Variants in TTLL12 observed in about 807,000 individuals in gnomAD.
TTLL12 encodes the protein tubulin tyrosine ligase like 12.
A neutral mutation model predicts 79.6 loss-of-function variants in TTLL12; 77 were observed. The observed-to-expected ratio is 0.97, with a 90% CI of 0.81 to 1.17. The LOEUF (loss-of-function observed/expected upper bound fraction) is 1.17, where lower values mean the gene tolerates loss of function less well. TTLL12 is among the 50% of genes most tolerant of loss of function. TTLL12 has a pLI of 0.00. For synonymous variants in TTLL12, 437 were observed against 376.1 expected (o/e 1.16, Z -1.87); for missense variants, 969 against 895.9 (o/e 1.08, Z -1.04).
At chr22:43,172,271 G>T in intron 10 of TTLL12, 132 bp downstream of exon 10, 2 of 1,143,790 alleles carry the variant, frequency 1.7e-6, no homozygotes, top group Non-Finnish European at 2.5e-6. Context: ...TCCAAGGGCC[G>T]CTAGCTGGGT....
intron 11 of TTLL12, 59 bp from the exon 12 acceptor site, chr22:43,169,627 G>A (rs1370266229): frequency 6.4e-7 from 1 of 1,572,234 alleles, no homozygotes; most frequent in Non-Finnish European, 8.7e-7. Context: ...CCGGGAGCAG[G>A]CAGCCTGCTA....
At position 43,174,188 on chromosome 22, in the gene TTLL12, G is replaced by A. The variant is rs113897450; in HGVS notation, c.1229+21C>T. The stretch of plus-strand genomic sequence containing the variant: ...GGGGAAAAGGGCCATGGAGCACACC[G>A]ATGCCGTGTCTGGGACTTACCACCT... On this transcript the variant is annotated intron_variant, in intron 8 of 13. Coordinates refer to ENST00000216129, the MANE Select transcript of TTLL12 (RefSeq NM_015140.4). 64 of 1,597,288 alleles carry A rather than the reference G, an allele frequency of 4.0e-5. 1 individual carries two copies. Among genetic ancestry groups the A allele is most frequent in the African/African-American group, 2.8e-4 (21 of 75,020 alleles).
Position 43,168,913 on chromosome 22 carries a change from C to T in TTLL12, c.1645-1G>A, listed in dbSNP as rs1325251835. ...CCGTGAAGGCCCGGAAGATCTCAGC[C>T]TGGGGACCGGGGAGCCTGAGTTACG... On this transcript the variant is annotated splice_acceptor_variant, in intron 12 of 13. Coordinates refer to ENST00000216129, the MANE Select transcript of TTLL12 (RefSeq NM_015140.4). LOFTEE classifies it high-confidence loss of function. The T allele has an allele frequency of 1.9e-6, 3 of 1,609,038 alleles. No homozygotes were observed. Among genetic ancestry groups the T allele is most frequent in the South Asian group, 2.2e-5 (2 of 90,532 alleles).
At chr22:43,178,305 T>C (rs1601772988) in intron 5 of TTLL12, among the ~76,000 whole-genome samples, 1 of 111,854 alleles carries the variant, frequency 8.9e-6, no homozygotes. Flanking sequence ...ACGCCACCAC[T>C]CCACACACGC....
At chr22:43,169,611 G>A (rs565092787) in intron 11 of TTLL12, 43 bp from the exon 12 acceptor site, 65 of 1,598,034 alleles carry the variant, frequency 4.1e-5, no homozygotes, top group Non-Finnish European at 5.4e-5. Context: ...ACAGGCCTCC[G>A]CTGGGCCGGG....
chr22:43,175,823 C>A (rs1931891909), intron 6 of TTLL12: 1 of 151,486 alleles, frequency 6.6e-6, no homozygotes, highest in African/African-American at 2.4e-5. Context: ...CAGGCGCCAG[C>A]CACCATGCCC....
At chr22:43,173,638 G>T in intron 9 of TTLL12, 77 bp downstream of exon 9, 1 of 1,392,294 alleles carries the variant, frequency 7.2e-7, no homozygotes, top group Non-Finnish European at 9.9e-7. Context: ...GGACCATGAT[G>T]CTCGGTCCCC....
intron 1 of TTLL12, among the ~76,000 whole-genome samples, chr22:43,184,173 C>T (rs1353828532): frequency 6.6e-6 from 1 of 152,226 alleles, no homozygotes; most frequent in Non-Finnish European, 1.5e-5. Flanking sequence ...AGTCCTGGCG[C>T]ACAGTGGAGG....
Position 43,182,977 on chromosome 22 carries a change from T to C in TTLL12, c.347+3A>G, listed in dbSNP as rs758080743. 1.2e-6 allele frequency: 2 copies of C among 1,612,738 alleles called. No individual in the cohort carries two copies. The highest frequency in any genetic ancestry group is 8.5e-7 in the Non-Finnish European group (1 of 1,179,060). On this transcript the variant is annotated splice_donor_region_variant and intron_variant, in intron 2 of 13. Coordinates refer to ENST00000216129, the MANE Select transcript of TTLL12 (RefSeq NM_015140.4). Reference sequence around the variant, plus strand: ...GTGGTGGTGTCTCTGGCCAGGCTCCTACCTGTTGGGGTGGGCTGCCTGGAG... The same window carrying C: ...GTGGTGGTGTCTCTGGCCAGGCTCCCACCTGTTGGGGTGGGCTGCCTGGAG...
intron 2 of TTLL12, among the ~76,000 whole-genome samples, chr22:43,181,547 A>C (rs1932057008): frequency 6.6e-6 from 1 of 152,202 alleles, no homozygotes; most frequent in South Asian, 2.1e-4. Context: ...CCTGCAGCTG[A>C]GCTGCTACAG....
At position 43,167,342 on chromosome 22, in the gene TTLL12, G is replaced by A. The variant is rs575617687; in HGVS notation, c.*666C>T. 3.8e-5 allele frequency: 13 copies of A among 344,636 alleles called. No homozygotes were observed. The highest frequency in any genetic ancestry group is 9.2e-5 in the East Asian group (1 of 10,858). 21.3% of individuals were successfully genotyped at this position (344,636 alleles called of 1,614,324 possible). A position where few individuals can be genotyped will look rare whatever the true frequency, so the allele number is the denominator to read the frequency against. On this transcript the variant is annotated 3_prime_UTR_variant, in exon 14 of 14. Coordinates refer to ENST00000216129, the MANE Select transcript of TTLL12 (RefSeq NM_015140.4). ...GACCCTCAGCAAACGAAAAGGAAACGGTAACAAGACGGTGGCCTCCTGCCA... is the reference window on the plus strand; with the variant it reads ...GACCCTCAGCAAACGAAAAGGAAACAGTAACAAGACGGTGGCCTCCTGCCA...
chr22:43,173,064 C>T (rs1437484335), intron 9 of TTLL12, among the ~76,000 whole-genome samples: 1 of 152,172 alleles, frequency 6.6e-6, no homozygotes, highest in African/African-American at 2.4e-5. Context: ...TCCATCCACC[C>T]CCATCCCATG....
intron 1 of TTLL12, among the ~76,000 whole-genome samples, chr22:43,185,301 G>C (rs117007368): frequency 0.23 from 26,070 of 113,986 alleles, 3,318 homozygotes; most frequent in Non-Finnish European, 0.26. Flanking sequence ...ATATATATAT[G>C]TATGTATCTT....
intron 6 of TTLL12, among the ~76,000 whole-genome samples, chr22:43,175,054 A>C (rs1429723500): frequency 6.6e-6 from 1 of 152,176 alleles, no homozygotes; most frequent in East Asian, 1.9e-4. Flanking sequence ...AGGTCACCAC[A>C]AGACTCACGT....
chr22:43,176,273 G>T, intron 6 of TTLL12, 47 bp downstream of exon 6: 1 of 1,385,600 alleles, frequency 7.2e-7, no homozygotes, highest in Non-Finnish European at 1.0e-6. Context: ...TGGGAGGCGG[G>T]GACTGCGGAC....
intron 2 of TTLL12, among the ~76,000 whole-genome samples, chr22:43,182,506 G>T (rs1288215145): frequency 6.6e-6 from 1 of 152,208 alleles, no homozygotes; most frequent in Non-Finnish European, 1.5e-5. Flanking sequence ...GGGGCAGGAA[G>T]CCTGGGGTAC....
At chr22:43,176,110 C>G (rs1013719021) in intron 6 of TTLL12, among the ~76,000 whole-genome samples, 1 of 151,872 alleles carries the variant, frequency 6.6e-6, no homozygotes, top group East Asian at 1.9e-4. Flanking sequence ...TCCAGAAAGC[C>G]CTGCTCGCTC....
Position 43,182,973 on chromosome 22 carries a change from CT to C in TTLL12, c.347+6del, listed in dbSNP as rs1374992201. 6.2e-7 allele frequency: 1 copy of C among 1,612,296 alleles called. No homozygotes were observed. The highest frequency in any genetic ancestry group is 8.5e-7 in the Non-Finnish European group (1 of 1,178,818). On this transcript the variant is annotated splice_donor_region_variant and intron_variant, in intron 2 of 13. Coordinates refer to ENST00000216129, the MANE Select transcript of TTLL12 (RefSeq NM_015140.4). ...GGTTGTGGTGGTGTCTCTGGCCAGG[CT>C]CCTACCTGTTGGGGTGGGCTGCCTG...
chr22:43,171,896 A>C lies in TTLL12; in HGVS notation c.1498T>G (p.Phe500Val), dbSNP rs1295471922. 15 of 1,613,928 alleles carry C rather than the reference A, an allele frequency of 9.3e-6. No individual in the cohort carries two copies. Among genetic ancestry groups the C allele is most frequent in the Non-Finnish European group, 1.3e-5 (15 of 1,179,956 alleles). ...VFWLRFSNRA[F>V]ALNDLDDYEK... ...TAGTCATCCAGGTCGTTGAGTGCAA[A>C]GGCCCTGGAAGACAAGTGTGCAGAC... The change falls in exon 11 of 14, where the codon TTT becomes GTT. Residue 500 changes from phenylalanine (F) to valine (V), a missense_variant. By Grantham distance (50) the Phe-to-Val change is conservative. Transcript: ENST00000216129.
Sources: allele counts gnomAD v4.1 joint callset (sites outside exome capture counted in the v4.1 genomes callset), GRCh38; gene constraint gnomAD v4.1.1; transcripts MANE v1.5; gene names NCBI Gene and HGNC (gene_info 2026-07-23, HGNC 2026-07-21).